The following NMUR2 variants were observed in gnomAD, a reference collection of about 807,000 sequenced individuals.
NMUR2 encodes the protein neuromedin-U receptor 2.
In NMUR2, 24 loss-of-function variants were observed where a neutral mutation model predicts 25.1. The ratio of observed to expected loss-of-function variants is 0.96; its 90% CI spans 0.69 to 1.34. The LOEUF (loss-of-function observed/expected upper bound fraction) is 1.34, where lower values mean the gene tolerates loss of function less well. Ranked by LOEUF, NMUR2 falls within the 40% of genes most tolerant of loss-of-function variation. NMUR2 has a pLI of 0.00. For missense variants in NMUR2, 533 were observed against 512.8 expected (o/e 1.04, Z -0.38); for synonymous variants, 218 against 208.1 (o/e 1.05, Z -0.41).
At chr5:152,399,940 T>C (rs750543427) in intron 1 of NMUR2, among the ~76,000 whole-genome samples, 1 of 152,170 alleles carries the variant, frequency 6.6e-6, no homozygotes, top group African/African-American at 2.4e-5. Flanking sequence ...TGTGATTATG[T>C]GCAATAATGA....
chr5:152,394,441 C>T (rs752012828), intron 3 of NMUR2, among the ~76,000 whole-genome samples: 3 of 152,108 alleles, frequency 2.0e-5, no homozygotes, highest in African/African-American at 4.8e-5. Flanking sequence ...CTTTCCTTTC[C>T]GGTGATGTCT....
chr5:152,396,112 C>T (rs1471972211), intron 2 of NMUR2, among the ~76,000 whole-genome samples: 2 of 151,924 alleles, frequency 1.3e-5, no homozygotes, highest in Admixed American at 6.6e-5. Flanking sequence ...GCACAGAATT[C>T]CTTCCCATCT....
In NMUR2 at chr5:152,405,237, G is replaced by T. The variant is rs573330799; in HGVS notation, c.-124C>A. On this transcript the variant is annotated 5_prime_UTR_variant, in exon 1 of 4. Transcript: ENST00000255262. ...AGCAGTCACGAAAGTCACAGGCTTC[G>T]TAAGGAAGGCTGGGAGAGAGTGAGT... is the stretch of plus-strand genomic sequence containing the variant. 1.0e-5 allele frequency: 12 copies of T among 1,173,356 alleles called. No individual in the cohort carries two copies. In the African/African-American group the frequency reaches 1.8e-4, roughly 18 times the overall value. The allele number at this position is 1,173,356 out of a possible 1,614,324, so 72.7% of individuals were successfully genotyped here. A position where few individuals can be genotyped will look rare whatever the true frequency, so the allele number is the denominator to read the frequency against.
In NMUR2 at chr5:152,392,339, G is replaced by C; in HGVS notation, c.1100C>G (p.Thr367Arg). 6.2e-7 allele frequency: 1 copy of C among 1,614,052 alleles called. No homozygotes were observed. Among genetic ancestry groups the C allele is most frequent in the East Asian group, 2.2e-5 (1 of 44,884 alleles). The change falls in exon 4 of 4, where the codon ACA becomes AGA. Residue 367 changes from threonine to arginine, a missense_variant. By Grantham distance (71) the Thr-to-Arg change is moderately conservative. Transcript: ENST00000255262. The stretch of plus-strand genomic sequence containing the variant: ...GGTCAGCTCCACAAAGTGGCATTCT[G>C]TCAGGAAGATGTTCCGCTGGGCAGG... ...LPPAQRNIFL[T>R]ECHFVELTED...
chr5:152,395,580 G>A lies in NMUR2; in HGVS notation c.816C>T (p.Val272=), dbSNP rs10055345. The A allele has an allele frequency of 3.4e-3, 5,561 of 1,613,184 alleles. 185 individuals are homozygous for A. The African/African-American group carries it at 0.067, about 19-fold the overall frequency. ...AACAGATAGCAAACACTAAGACCAA[G>A]ACAACTGAAAATGGATGATAAATGG... The part of the protein sequence containing the change: ...CRKSVNKMLF[V]LVLVFAICWA... Residue 272 remains valine, a synonymous_variant, in exon 3 of 4, where the codon GTC becomes GTT. Transcript: ENST00000255262.
chr5:152,392,471 T>C lies in NMUR2; in HGVS notation c.968A>G (p.Asn323Ser). The change falls in exon 4 of 4, where the codon AAC (asparagine) becomes AGC (serine). Residue 323 changes from asparagine to serine, a missense_variant. Asn to Ser is a conservative substitution (Grantham distance 46). Coordinates refer to ENST00000255262, the MANE Select transcript of NMUR2 (RefSeq NM_020167.5). Reference protein sequence around the residue: ...GVFFYLSSAVNPIIYNLLSRR... With the variant: ...GVFFYLSSAVSPIIYNLLSRR... Reference sequence around the variant, plus strand: ...AGACAGTAGGTTATAGATAATGGGGTTGACAGCTGAGCTCAGGTAGAAGAA... The same window carrying C: ...AGACAGTAGGTTATAGATAATGGGGCTGACAGCTGAGCTCAGGTAGAAGAA... 6.2e-7 allele frequency: 1 copy of C among 1,613,476 alleles called. No individual in the cohort carries two copies. The highest frequency in any genetic ancestry group is 8.5e-7 in the Non-Finnish European group (1 of 1,179,626).
At chr5:152,402,584 G>C (rs772390648) in intron 1 of NMUR2, among the ~76,000 whole-genome samples, 8 of 152,296 alleles carry the variant, frequency 5.3e-5, no homozygotes, top group Non-Finnish European at 1.2e-4. Flanking sequence ...CAATGAAACT[G>C]ATTGTAACAG....
chr5:152,394,176 T>C (rs1234844293), intron 3 of NMUR2, among the ~76,000 whole-genome samples: 1 of 152,168 alleles, frequency 6.6e-6, no homozygotes, highest in African/African-American at 2.4e-5. Flanking sequence ...TGTAGTGCTT[T>C]CTCATTTATT....
chr5:152,399,253 C>T (rs1463227890), intron 1 of NMUR2, among the ~76,000 whole-genome samples: 1 of 152,052 alleles, frequency 6.6e-6, no homozygotes, highest in Non-Finnish European at 1.5e-5. Flanking sequence ...CTAGCATTTA[C>T]TTCTCTCTTC....
chr5:152,404,736 A>G lies in NMUR2; in HGVS notation c.378T>C (p.Phe126=). Residue 126 remains phenylalanine, a synonymous_variant, in exon 1 of 4, where the codon TTT becomes TTC. Transcript: ENST00000255262. ...PVGCYFKTAL[F]ETVCFASILS... ...GGATGGAGGCGAAGCACACGGTCTC[A>G]AAGAGGGCCGTCTTGAAGTAGCAGC... The G allele has an allele frequency of 1.2e-6, 2 of 1,614,162 alleles. No homozygotes were observed. The highest frequency in any genetic ancestry group is 1.7e-6 in the Non-Finnish European group (2 of 1,180,030).
At position 152,398,908 on chromosome 5, in the gene NMUR2, C is replaced by T. The variant is rs867083170; in HGVS notation, c.727-764G>A. On this transcript the variant is annotated intron_variant, in intron 1 of 3. Transcript: ENST00000255262. ...TTAAAGTATATTCATCCTTGTTGGA[C>T]GATATGGAGATCCTTGATGTAACAT... Among the ~76,000 whole-genome samples, 4 of 152,100 alleles carry T rather than the reference C, an allele frequency of 2.6e-5. No homozygotes were observed. The South Asian group carries it at 6.2e-4, about 24-fold the overall frequency.
chr5:152,402,673 C>T (rs748572609), intron 1 of NMUR2, among the ~76,000 whole-genome samples: 3 of 152,138 alleles, frequency 2.0e-5, no homozygotes, highest in African/African-American at 7.2e-5. Flanking sequence ...GACTGTTTGG[C>T]ATTGGATGAG....
chr5:152,392,306 A>G lies in NMUR2; in HGVS notation c.1133T>C (p.Ile378Thr), dbSNP rs1395141219. ...TGACTGACATGGGAATTGGGGACCT[A>G]TATCTTCGGTCAGCTCCACAAAGTG... ...ECHFVELTED[I>T]GPQFPCQSSM... Residue 378 changes from isoleucine to threonine, a missense_variant, in exon 4 of 4, where the codon ATA becomes ACA. Physicochemically the swap from Ile to Thr is moderately conservative, Grantham distance 89 (BLOSUM62 -1). Transcript: ENST00000255262. The G allele has an allele frequency of 1.9e-6, 3 of 1,613,852 alleles. No individual in the cohort carries two copies. Among genetic ancestry groups the G allele is most frequent in the Non-Finnish European group, 1.7e-6 (2 of 1,179,942 alleles).
At chr5:152,400,148 T>C (rs1417167353) in intron 1 of NMUR2, among the ~76,000 whole-genome samples, 1 of 152,158 alleles carries the variant, frequency 6.6e-6, no homozygotes, top group Non-Finnish European at 1.5e-5. Flanking sequence ...CAGGACCACA[T>C]AGGACCTCAA....
In NMUR2 at chr5:152,398,048, TG is replaced by T. The variant is rs1753191106; in HGVS notation, c.811+11del. ...GAACAAAACAAAACAAAAAACAAAA[TG>T]GGGCACTTACACAGCATCTTGTTGA... On this transcript the variant is annotated intron_variant, in intron 2 of 3. Coordinates refer to ENST00000255262, the MANE Select transcript of NMUR2 (RefSeq NM_020167.5). 4 of 1,602,992 alleles carry T rather than the reference TG, an allele frequency of 2.5e-6. No individual in the cohort carries two copies. Among genetic ancestry groups the T allele is most frequent in the Non-Finnish European group, 3.4e-6 (4 of 1,171,200 alleles).
At chr5:152,399,305 C>A (rs544573104) in intron 1 of NMUR2, among the ~76,000 whole-genome samples, 3 of 152,090 alleles carry the variant, frequency 2.0e-5, no homozygotes, top group Non-Finnish European at 4.4e-5. Flanking sequence ...GGAATGTACT[C>A]CTTCCCCATT....
At position 152,404,460 on chromosome 5, in the gene NMUR2, C is replaced by T. The variant is rs200602427; in HGVS notation, c.654G>A (p.Gln218=). 5.0e-6 allele frequency: 8 copies of T among 1,614,048 alleles called. No homozygotes were observed. The highest frequency in any genetic ancestry group is 6.8e-6 in the Non-Finnish European group (8 of 1,180,004). The change falls in exon 1 of 4, where the codon CAG becomes CAA. Residue 218 remains glutamine, a synonymous_variant. Coordinates refer to ENST00000255262, the MANE Select transcript of NMUR2 (RefSeq NM_020167.5). ...GGAGGTAGAATAGGAAGGAGGTGACCTGGATGATGAAATTGTAGATCCACA... is the reference window on the plus strand; with the variant it reads ...GGAGGTAGAATAGGAAGGAGGTGACTTGGATGATGAAATTGTAGATCCACA... ...KPMWIYNFII[Q]VTSFLFYLLP...
At chr5:152,392,669 C>A (rs1422357) in intron 3 of NMUR2, among the ~76,000 whole-genome samples, 168 bp from the exon 4 acceptor site, 22,029 of 152,198 alleles carry the variant, frequency 0.14, 2,083 homozygotes, top group Admixed American at 0.24. Flanking sequence ...CTGAATAGAT[C>A]TTCCACCTGT....
intron 2 of NMUR2, among the ~76,000 whole-genome samples, chr5:152,397,012 G>GTTT (rs769998163): frequency 0.062 from 6,524 of 105,604 alleles, 500 homozygotes; most frequent in East Asian, 0.18. Flanking sequence ...TGAGCTTCAT[G>GTTT]TTTTTTTTTT....
Sources: allele counts gnomAD v4.1 joint callset (sites outside exome capture counted in the v4.1 genomes callset), GRCh38; gene constraint gnomAD v4.1.1; transcripts MANE v1.5; gene names NCBI Gene and HGNC (gene_info 2026-07-23, HGNC 2026-07-21).